The following COL28A1 variants were observed in gnomAD, a reference collection of about 807,000 sequenced individuals.
COL28A1 encodes the protein collagen type XXVIII alpha 1 chain.
In COL28A1, 161 loss-of-function variants were observed where a neutral mutation model predicts 150.2. That is an observed-to-expected ratio of 1.07 (90% CI 0.94 to 1.22). COL28A1 has a LOEUF of 1.22. Among genes scored for constraint, COL28A1 ranks in the 50% most tolerant of loss-of-function variants. The pLI, the probability that COL28A1 is intolerant of heterozygous loss-of-function variation, is 0.00. For missense variants in COL28A1, 1,617 were observed against 1,388.3 expected, an observed-to-expected ratio of 1.16 and a Z score of -2.62; for synonymous variants, 552 against 469.7, an observed-to-expected ratio of 1.18 and a Z score of -2.26.
At position 7,466,393 on chromosome 7, in the gene COL28A1, G is replaced by A. The variant is rs1376621951; in HGVS notation, c.1302+8208C>T. On this transcript the variant is annotated intron_variant, in intron 15 of 34. Coordinates refer to ENST00000399429, the MANE Select transcript of COL28A1 (RefSeq NM_001037763.3). The stretch of plus-strand genomic sequence containing the variant: ...GAAATGAATGAAATGAAGAGAGAAG[G>A]GAAGTTTAGAGAAAAAAGAATAAAA... Among the ~76,000 whole-genome samples, 6 of 142,072 alleles carry A rather than the reference G, an allele frequency of 4.2e-5. 1 individual carries two copies. Among genetic ancestry groups the A allele is most frequent in the East Asian group, 2.1e-4 (1 of 4,786 alleles). The allele number at this position is 142,072 out of a possible 152,430, so 93.2% of individuals were successfully genotyped here.
rs1361596701 is a variant in COL28A1, at chr7:7,457,162, T to C, written c.1303-1050A>G. On this transcript the variant is annotated intron_variant, in intron 15 of 34. Coordinates refer to ENST00000399429, the MANE Select transcript of COL28A1 (RefSeq NM_001037763.3). ...TGAGGCCACTGTAAGGACTTGGCTA[T>C]CCTCTGAGTAAGTTAGGAAGCCACT... 2.0e-5 allele frequency among the ~76,000 whole-genome samples: 3 copies of C among 152,264 alleles called. No individual in the cohort carries two copies. In the East Asian group the frequency reaches 5.8e-4, roughly 29 times the overall value.
chr7:7,510,561 A>C (rs1024195651), intron 9 of COL28A1, among the ~76,000 whole-genome samples: 1 of 152,256 alleles, frequency 6.6e-6, no homozygotes, highest in Admixed American at 6.5e-5. Context: ...CTGGGATTAC[A>C]GGTGTTAGCC....
At chr7:7,493,605 T>A (rs1227300259) in intron 11 of COL28A1, among the ~76,000 whole-genome samples, 1 of 152,178 alleles carries the variant, frequency 6.6e-6, no homozygotes, top group Non-Finnish European at 1.5e-5. Flanking sequence ...GGGAGCCTGG[T>A]ATCTCAAGGT....
intron 27 of COL28A1, among the ~76,000 whole-genome samples, chr7:7,411,171 C>G (rs1443285828): frequency 6.6e-6 from 1 of 152,110 alleles, no homozygotes; most frequent in African/African-American, 2.4e-5. Context: ...ACACCTGATT[C>G]TATTAAAAGA....
intron 25 of COL28A1, among the ~76,000 whole-genome samples, chr7:7,429,095 G>T (rs1331328091): frequency 1.3e-5 from 2 of 152,110 alleles, no homozygotes; most frequent in Non-Finnish European, 2.9e-5. Flanking sequence ...AACCTTAATG[G>T]TTTCCTCATT....
At chr7:7,413,779 G>A (rs906890920) in intron 27 of COL28A1, among the ~76,000 whole-genome samples, 2 of 152,188 alleles carry the variant, frequency 1.3e-5, no homozygotes, top group Non-Finnish European at 2.9e-5. Context: ...GTTCAAATGG[G>A]TGGGTGGGTC....
At chr7:7,382,303 T>G (rs1781916497) in intron 27 of COL28A1, among the ~76,000 whole-genome samples, 1 of 150,136 alleles carries the variant, frequency 6.7e-6, no homozygotes, top group African/African-American at 2.5e-5. Flanking sequence ...AGAATGAAAC[T>G]CTATCTCAAA....
At chr7:7,359,499 T>C (rs1466888979) in intron 34 of COL28A1, among the ~76,000 whole-genome samples, 3 of 152,170 alleles carry the variant, frequency 2.0e-5, no homozygotes, top group African/African-American at 4.8e-5. Flanking sequence ...ATGGAACTCC[T>C]CATTTGCTAA....
intron 18 of COL28A1, among the ~76,000 whole-genome samples, chr7:7,446,373 A>T (rs1478839515): frequency 1.3e-5 from 2 of 152,204 alleles, no homozygotes; most frequent in Admixed American, 1.3e-4. Context: ...TGAGAAAAAT[A>T]TGAATTATAT....
At chr7:7,393,495 C>A (rs867784297) in intron 27 of COL28A1, among the ~76,000 whole-genome samples, 1 of 152,234 alleles carries the variant, frequency 6.6e-6, no homozygotes, top group South Asian at 2.1e-4. Flanking sequence ...CTGGGAGATG[C>A]ACTGCTCTCT....
chr7:7,534,646 C>T (rs1782546768), intron 1 of COL28A1, among the ~76,000 whole-genome samples: 1 of 152,136 alleles, frequency 6.6e-6, no homozygotes, highest in African/African-American at 2.4e-5. Context: ...CAAAACCCTT[C>T]ATGTAAGGTT....
chr7:7,369,126 G>T (rs1781087767), intron 33 of COL28A1, among the ~76,000 whole-genome samples: 1 of 152,186 alleles, frequency 6.6e-6, no homozygotes, highest in African/African-American at 2.4e-5. Context: ...ACCTGAGCTT[G>T]CTCTTGTTTA....
At chr7:7,367,594 T>C (rs1184740983) in intron 33 of COL28A1, among the ~76,000 whole-genome samples, 1 of 152,022 alleles carries the variant, frequency 6.6e-6, no homozygotes, top group African/African-American at 2.4e-5. Context: ...ATCCAGAGTA[T>C]TTTGGTTGTA....
intron 13 of COL28A1, among the ~76,000 whole-genome samples, chr7:7,487,129 A>G (rs907597039): frequency 1.3e-5 from 2 of 151,836 alleles, no homozygotes; most frequent in Non-Finnish European, 2.9e-5. Flanking sequence ...TATATTTTCC[A>G]ATATGCTTAA....
At chr7:7,430,572 T>C (rs967466977) in intron 25 of COL28A1, among the ~76,000 whole-genome samples, 23 of 152,354 alleles carry the variant, frequency 1.5e-4, no homozygotes, top group African/African-American at 4.6e-4. Context: ...TGTGAAAATG[T>C]AAATGATCAT....
intron 32 of COL28A1, among the ~76,000 whole-genome samples, chr7:7,372,565 T>G (rs1781293557): frequency 6.6e-6 from 1 of 152,172 alleles, no homozygotes; most frequent in Admixed American, 6.5e-5. Context: ...TCTCATCTCT[T>G]TAGATGACCA....
At chr7:7,370,933 C>T in intron 32 of COL28A1, 51 bp from the exon 33 acceptor site, 1 of 1,274,308 alleles carries the variant, frequency 7.8e-7, no homozygotes, top group South Asian at 1.3e-5. Flanking sequence ...TGAAACAATA[C>T]TTAAAACTCA....
chr7:7,436,377 A>C lies in COL28A1; in HGVS notation c.1860+18T>G. ...ATTTCAGATACAGAAAAACAAAAAGAACATGAATAAAGCATACCTTTGGTC... is the reference window on the plus strand; with the variant it reads ...ATTTCAGATACAGAAAAACAAAAAGCACATGAATAAAGCATACCTTTGGTC... On this transcript the variant is annotated intron_variant, in intron 23 of 34. Transcript: ENST00000399429. The C allele has an allele frequency of 2.6e-6, 3 of 1,151,234 alleles. No homozygotes were observed. The highest frequency in any genetic ancestry group is 4.0e-6 in the Non-Finnish European group (3 of 757,524). The allele number at this position is 1,151,234 out of a possible 1,614,324, so 71.3% of individuals were successfully genotyped here.
chr7:7,340,818 T>C, the COL28A1 span, among the ~76,000 whole-genome samples: 1 of 152,034 alleles, frequency 6.6e-6, no homozygotes, highest in Non-Finnish European at 1.5e-5. Context: ...AAGAAAAAAA[T>C]GTACATTTGC....
Sources: allele counts gnomAD v4.1 joint callset (sites outside exome capture counted in the v4.1 genomes callset), GRCh38; gene constraint gnomAD v4.1.1; transcripts MANE v1.5; gene names NCBI Gene and HGNC (gene_info 2026-07-23, HGNC 2026-07-21).